The following SOX6 variants were observed in gnomAD, a reference collection of about 807,000 sequenced individuals.
The protein encoded by SOX6 is transcription factor SOX-6.
SOX6 carries 11 observed loss-of-function variants against 97.8 expected under a neutral mutation model. That is an observed-to-expected ratio of 0.11 (90% CI 0.07 to 0.19). The LOEUF (loss-of-function observed/expected upper bound fraction) is 0.19. Among genes scored for constraint, SOX6 ranks in the 10% least tolerant of loss-of-function variants. The pLI, the probability that SOX6 is intolerant of heterozygous loss-of-function variation, is 1.00. For missense variants in SOX6, 810 were observed against 1,039.5 expected, an observed-to-expected ratio of 0.78 and a Z score of 3.04; for synonymous variants, 360 against 371.4, an observed-to-expected ratio of 0.97 and a Z score of 0.35.
intron 1 of SOX6, among the ~76,000 whole-genome samples, chr11:16,472,915 C>T (rs1860165102): frequency 6.6e-6 from 1 of 151,802 alleles, no homozygotes; most frequent in Non-Finnish European, 1.5e-5. Flanking sequence ...GTAAAAAAGC[C>T]CCTTAAATAC....
intron 1 of SOX6, among the ~76,000 whole-genome samples, chr11:16,341,646 T>C (rs1332149900): frequency 6.6e-6 from 1 of 152,056 alleles, no homozygotes; most frequent in Non-Finnish European, 1.5e-5. Flanking sequence ...GGCAAATGAG[T>C]CAGTTTGCAA....
chr11:16,489,135 G>C (rs7109165), intron 4 of SOX6, among the ~76,000 whole-genome samples: 6 of 151,954 alleles, frequency 3.9e-5, no homozygotes, highest in Non-Finnish European at 7.4e-5. Flanking sequence ...TTGGGCATGG[G>C]ACAATAGGTA....
intron 1 of SOX6, among the ~76,000 whole-genome samples, chr11:16,385,449 A>G (rs1162118189): frequency 6.6e-6 from 1 of 152,088 alleles, no homozygotes; most frequent in Non-Finnish European, 1.5e-5. Flanking sequence ...ATTGAAGTGC[A>G]TTTTATCCTT....
intron 1 of SOX6, among the ~76,000 whole-genome samples, chr11:16,427,184 A>C (rs535574887): frequency 1.3e-5 from 2 of 152,204 alleles, no homozygotes; most frequent in Admixed American, 6.5e-5. Context: ...AAAGCAAAGA[A>C]GCAACCTAAA....
chr11:16,165,976 C>G (rs1324866579), intron 6 of SOX6, among the ~76,000 whole-genome samples: 1 of 151,448 alleles, frequency 6.6e-6, no homozygotes, highest in Non-Finnish European at 1.5e-5. Context: ...ATAAAAGTCC[C>G]TAGTATATAA....
At chr11:16,491,151 G>C (rs1860505309) in intron 4 of SOX6, among the ~76,000 whole-genome samples, 1 of 152,108 alleles carries the variant, frequency 6.6e-6, no homozygotes, top group Non-Finnish European at 1.5e-5. Context: ...AGAACCTACA[G>C]ATGAAGAATT....
intron 3 of SOX6, among the ~76,000 whole-genome samples, chr11:16,623,221 A>G (rs1044856620): frequency 6.6e-6 from 1 of 151,994 alleles, no homozygotes; most frequent in Non-Finnish European, 1.5e-5. Context: ...GGGTTTCACC[A>G]TGTTGGTCAG....
chr11:16,025,729 A>G (rs1014595908), intron 12 of SOX6, among the ~76,000 whole-genome samples: 1 of 152,074 alleles, frequency 6.6e-6, no homozygotes, highest in Non-Finnish European at 1.5e-5. Flanking sequence ...AAATTTGAAG[A>G]TTTTTTTCCC....
At chr11:16,346,265 A>G (rs1856773875) in intron 1 of SOX6, among the ~76,000 whole-genome samples, 1 of 152,056 alleles carries the variant, frequency 6.6e-6, no homozygotes, top group Non-Finnish European at 1.5e-5. Flanking sequence ...CTTAAGGAAC[A>G]TGAGTAACAG....
intron 3 of SOX6, among the ~76,000 whole-genome samples, chr11:16,663,808 C>CT (rs1345776819): frequency 6.6e-6 from 1 of 152,162 alleles, no homozygotes; most frequent in Non-Finnish European, 1.5e-5. Context: ...ATTTCTAATC[C>CT]TTTTTGTTAT....
Position 16,621,444 on chromosome 11 carries a change from A to G in SOX6, n.430-9184T>C, listed in dbSNP as rs189674992. On this transcript the variant is annotated intron_variant and non_coding_transcript_variant, in intron 3 of 5. Coordinates refer to the SOX6 transcript ENST00000524520. ...AATTGCATGGAATACATTGACTGTC[A>G]TGGTCATTCAAATGTCACAAGAAAA... 2.4e-4 allele frequency among the ~76,000 whole-genome samples: 37 copies of G among 152,302 alleles called. No homozygotes were observed. The East Asian group carries it at 5.4e-3, about 22-fold the overall frequency.
chr11:16,254,253 T>C (rs1853612697), intron 3 of SOX6, among the ~76,000 whole-genome samples: 1 of 152,058 alleles, frequency 6.6e-6, no homozygotes, highest in Non-Finnish European at 1.5e-5. Flanking sequence ...GAAACTCAGA[T>C]GTGCATACAA....
chr11:16,559,411 C>T (rs574992951), intron 4 of SOX6, among the ~76,000 whole-genome samples: 6 of 152,124 alleles, frequency 3.9e-5, no homozygotes, highest in Admixed American at 3.3e-4. Context: ...ATAAAAATCT[C>T]GTTGCTGCCC....
At chr11:16,423,336 C>T (rs1274974906) in intron 1 of SOX6, among the ~76,000 whole-genome samples, 4 of 151,898 alleles carry the variant, frequency 2.6e-5, no homozygotes, top group Admixed American at 6.6e-5. Flanking sequence ...CTCTGACAAC[C>T]CTATAAAAAA....
At chr11:16,268,724 T>C (rs556457752) in intron 3 of SOX6, among the ~76,000 whole-genome samples, 1 of 151,348 alleles carries the variant, frequency 6.6e-6, no homozygotes, top group South Asian at 2.1e-4. Flanking sequence ...TACATTTGTT[T>C]TTTGAATTGT....
intron 6 of SOX6, among the ~76,000 whole-genome samples, chr11:16,179,839 T>A (rs1301587366): frequency 6.6e-6 from 1 of 151,810 alleles, no homozygotes; most frequent in Non-Finnish European, 1.5e-5. Flanking sequence ...CCTATATAGC[T>A]CACAATATAA....
At chr11:16,577,160 C>T (rs537122163) in intron 4 of SOX6, 2 of 152,232 alleles carry the variant, frequency 1.3e-5, no homozygotes, top group Admixed American at 1.3e-4. Flanking sequence ...TTTATTTTTA[C>T]TAATTCATAG....
At chr11:16,715,712 TTTA>T (rs1484028179) in intron 2 of SOX6, among the ~76,000 whole-genome samples, 1 of 152,028 alleles carries the variant, frequency 6.6e-6, no homozygotes, top group Non-Finnish European at 1.5e-5. Context: ...GCTAAAAGTG[TTTA>T]TTATTATTAA....
At chr11:16,087,423 A>T (rs572201196) in intron 9 of SOX6, among the ~76,000 whole-genome samples, 1 of 152,174 alleles carries the variant, frequency 6.6e-6, no homozygotes, top group Non-Finnish European at 1.5e-5. Flanking sequence ...CCTAATGAAC[A>T]GTTCCCAGGT....
Sources: gnomAD v4.1 joint callset for allele counts (sites outside exome capture counted in the v4.1 genomes callset) on GRCh38, gnomAD v4.1.1 for gene constraint, MANE v1.5 for transcripts, NCBI Gene and HGNC (gene_info 2026-07-23, HGNC 2026-07-21) for gene names.